Variants in LIPC observed in about 807,000 individuals in gnomAD.
The protein encoded by LIPC is hepatic triacylglycerol lipase.
In LIPC, 44 loss-of-function variants were observed where a neutral mutation model predicts 50.7. The observed-to-expected ratio is 0.87, with a 90% CI of 0.68 to 1.11. The LOEUF is 1.11. LIPC is among the 50% of genes most tolerant of loss of function. The pLI is 0.00. For missense variants in LIPC, 697 were observed against 648.2 expected, an observed-to-expected ratio of 1.08 and a Z score of -0.82; for synonymous variants, 271 against 256.4, an observed-to-expected ratio of 1.06 and a Z score of -0.54.
intron 1 of LIPC, among the ~76,000 whole-genome samples, chr15:58,527,902 A>T (rs537382340): frequency 1.3e-5 from 2 of 152,244 alleles, no homozygotes; most frequent in East Asian, 3.9e-4. Context: ...AGCCCTAGGG[A>T]GGTTCAAGGA....
intron 1 of LIPC, among the ~76,000 whole-genome samples, chr15:58,502,166 C>T (rs1464452234): frequency 6.6e-6 from 1 of 152,164 alleles, no homozygotes; most frequent in Non-Finnish European, 1.5e-5. Flanking sequence ...GAAGCAGGCA[C>T]ACCATGACAT....
At chr15:58,459,930 G>T (rs996419652) in intron 1 of LIPC, among the ~76,000 whole-genome samples, 6 of 152,234 alleles carry the variant, frequency 3.9e-5, no homozygotes, top group African/African-American at 1.4e-4. Context: ...GTAGCCAGTT[G>T]GTGGGTGCAG....
chr15:58,519,103 T>C (rs965317434), intron 1 of LIPC, among the ~76,000 whole-genome samples: 25 of 152,110 alleles, frequency 1.6e-4, no homozygotes, highest in African/African-American at 5.1e-4. Flanking sequence ...ATTTGCATCA[T>C]TATAATTAAC....
At chr15:58,536,033 G>A (rs769741865) in intron 1 of LIPC, among the ~76,000 whole-genome samples, 5 of 152,212 alleles carry the variant, frequency 3.3e-5, no homozygotes, top group Non-Finnish European at 7.3e-5. Context: ...CCCTCCATGA[G>A]TTCGCTGACA....
At chr15:58,563,414 C>G in intron 7 of LIPC, 91 bp from the exon 8 acceptor site, 1 of 1,096,806 alleles carries the variant, frequency 9.1e-7, no homozygotes, top group Non-Finnish European at 1.4e-6. Flanking sequence ...CCAAGTCATT[C>G]AGGGAAACAC....
intron 1 of LIPC, among the ~76,000 whole-genome samples, chr15:58,516,524 CT>C (rs1413608942): frequency 6.6e-6 from 1 of 151,948 alleles, no homozygotes; most frequent in Non-Finnish European, 1.5e-5. Flanking sequence ...TATTTTCAGC[CT>C]TTATTCTCTG....
At chr15:58,493,484 T>A (rs990546972) in intron 1 of LIPC, among the ~76,000 whole-genome samples, 5 of 151,340 alleles carry the variant, frequency 3.3e-5, no homozygotes, top group Non-Finnish European at 5.9e-5. Context: ...TATATATATT[T>A]TTTTGTGTAT....
At chr15:58,514,935 A>T (rs1245676660) in intron 1 of LIPC, among the ~76,000 whole-genome samples, 1 of 152,258 alleles carries the variant, frequency 6.6e-6, no homozygotes, top group East Asian at 1.9e-4. Flanking sequence ...TTCTGGAGTC[A>T]AAAGTCCTAA....
At chr15:58,499,748 G>A (rs1427867102) in intron 1 of LIPC, among the ~76,000 whole-genome samples, 1 of 152,160 alleles carries the variant, frequency 6.6e-6, no homozygotes, top group Non-Finnish European at 1.5e-5. Context: ...CTGTCTTCTT[G>A]CTAAACAAGT....
intron 1 of LIPC, among the ~76,000 whole-genome samples, chr15:58,462,086 C>CAAT (rs1894372146): frequency 1.3e-5 from 2 of 152,154 alleles, no homozygotes; most frequent in Non-Finnish European, 2.9e-5. Flanking sequence ...CAAGTGAGGC[C>CAAT]CACCTTCCTC....
intron 1 of LIPC, among the ~76,000 whole-genome samples, chr15:58,470,431 T>A (rs1476009829): frequency 1.3e-5 from 2 of 152,124 alleles, no homozygotes; most frequent in Non-Finnish European, 2.9e-5. Context: ...TATAAAATTT[T>A]AAATAAAAAT....
At chr15:58,561,661 T>C (rs148306961) in intron 7 of LIPC, among the ~76,000 whole-genome samples, 2 of 152,300 alleles carry the variant, frequency 1.3e-5, no homozygotes, top group East Asian at 1.9e-4. Flanking sequence ...CCTTTCAAAA[T>C]ATGTCAAAGA....
chr15:58,444,638 C>T (rs536741321), intron 1 of LIPC, among the ~76,000 whole-genome samples: 2 of 152,272 alleles, frequency 1.3e-5, no homozygotes, highest in South Asian at 4.1e-4. Flanking sequence ...GTTTCTGTGT[C>T]CGATCTCCTC....
intron 1 of LIPC, among the ~76,000 whole-genome samples, chr15:58,483,513 T>C (rs1891262126): frequency 1.3e-5 from 2 of 152,188 alleles, no homozygotes; most frequent in Non-Finnish European, 2.9e-5. Flanking sequence ...GAGAGGAGGC[T>C]GCTGTGAGGG....
chr15:58,524,272 A>G (rs953946743), intron 1 of LIPC, among the ~76,000 whole-genome samples: 1 of 152,188 alleles, frequency 6.6e-6, no homozygotes, highest in African/African-American at 2.4e-5. Flanking sequence ...ATCAGTACAG[A>G]GTGTTTCTTT....
chr15:58,516,703 T>C (rs1253170973), intron 1 of LIPC, among the ~76,000 whole-genome samples: 3 of 152,232 alleles, frequency 2.0e-5, no homozygotes, highest in Admixed American at 6.5e-5. Context: ...ATATTTCTTC[T>C]TAGCATGCTT....
intron 1 of LIPC, among the ~76,000 whole-genome samples, chr15:58,500,437 C>T (rs1366584338): frequency 6.6e-6 from 1 of 152,160 alleles, no homozygotes; most frequent in Non-Finnish European, 1.5e-5. Context: ...CTTGTGTCCA[C>T]AAGCAAAAGC....
chr15:58,511,828 A>G (rs1200164171), intron 1 of LIPC, among the ~76,000 whole-genome samples: 1 of 152,226 alleles, frequency 6.6e-6, no homozygotes, highest in East Asian at 1.9e-4. Context: ...TTCAAATATT[A>G]TAATTCTGGT....
At chr15:58,483,708 T>C (rs1162514438) in intron 1 of LIPC, among the ~76,000 whole-genome samples, 1 of 152,136 alleles carries the variant, frequency 6.6e-6, no homozygotes, top group African/African-American at 2.4e-5. Context: ...TGAGTAAAAA[T>C]ATCTCTTGGC....
Sources: gnomAD v4.1 joint callset for allele counts (sites outside exome capture counted in the v4.1 genomes callset) on GRCh38, gnomAD v4.1.1 for gene constraint, MANE v1.5 for transcripts, NCBI Gene and HGNC (gene_info 2026-07-23, HGNC 2026-07-21) for gene names.